Variants in CRAMP1 observed in about 807,000 individuals in gnomAD.
CRAMP1 encodes the protein cramped chromatin regulator 1, also known as protein cramped-like.
CRAMP1 carries 50 observed loss-of-function variants against 115.4 expected under a neutral mutation model. The ratio of observed to expected loss-of-function variants is 0.43; its 90% confidence interval spans 0.35 to 0.55. The LOEUF is 0.55. Ranked by LOEUF, CRAMP1 falls within the 20% of genes least tolerant of loss-of-function variation. The probability of loss-of-function intolerance (pLI) is 0.01; values close to 1 mark genes in which losing one functional copy is unlikely to be tolerated. For synonymous variants in CRAMP1, 866 were observed against 745.4 expected (o/e 1.16, Z -2.64); for missense variants, 1,679 against 1,721.7 (o/e 0.98, Z 0.44).
At chr16:1,662,895 G>A in intron 13 of CRAMP1, 60 bp downstream of exon 13, 2 of 1,312,566 alleles carry the variant, frequency 1.5e-6, no homozygotes, top group South Asian at 2.5e-5. Flanking sequence ...AGGACACAGG[G>A]CTTCTTCCCT....
Position 1,669,901 on chromosome 16 carries a change from A to C in CRAMP1, c.3499+736A>C, listed in dbSNP as rs1376804409. ...TCTGGGAGGTGCTGAGGGACCCAGCACCCTGCAGGCGTTTCCTTTTGTCTC... is the reference window on the plus strand; with the variant it reads ...TCTGGGAGGTGCTGAGGGACCCAGCCCCCTGCAGGCGTTTCCTTTTGTCTC... On this transcript the variant is annotated intron_variant, in intron 19 of 20. Transcript: ENST00000397412. The surrounding 1 kb of genome is among the most constrained non-coding windows in gnomAD (Gnocchi z 4.6). Among the ~76,000 whole-genome samples the C allele has an allele frequency of 2.0e-5, 3 of 152,104 alleles. No homozygotes were observed. The highest frequency in any genetic ancestry group is 4.4e-5 in the Non-Finnish European group (3 of 68,014).
At chr16:1,638,796 C>A (rs982919815) in intron 5 of CRAMP1, among the ~76,000 whole-genome samples, 2 of 151,940 alleles carry the variant, frequency 1.3e-5, no homozygotes, top group Non-Finnish European at 2.9e-5. Flanking sequence ...AGGCCTGCAC[C>A]ACACTCTGTC....
chr16:1,666,582 C>T lies in CRAMP1; in HGVS notation c.3018C>T (p.Asp1006=), dbSNP rs765907579. ...QDSTGTHQDG[D]TLPTVGGSDP... is the part of the protein sequence containing the mutation. ...CTACTGGAACTCACCAGGATGGAGA[C>T]ACCCTCCCCACCGTGGGGGTGAGTA... Residue 1006 remains aspartate (D), a synonymous_variant, in exon 16 of 21, where the codon GAC becomes GAT. Transcript: ENST00000397412. This position sits in a 1 kb window ranked among gnomAD's most constrained non-coding sequence, Gnocchi z 5.0. The T allele has an allele frequency of 4.3e-6, 7 of 1,613,744 alleles. 1 individual carries two copies. In the African/African-American group the frequency reaches 9.3e-5, roughly 22 times the overall value.
intron 1 of CRAMP1, among the ~76,000 whole-genome samples, chr16:1,613,546 C>T (rs2036382739): frequency 6.6e-6 from 1 of 152,162 alleles, no homozygotes; most frequent in South Asian, 2.1e-4. Context: ...TCACACGTGC[C>T]CGTCCCGGAC....
intron 2 of CRAMP1, among the ~76,000 whole-genome samples, chr16:1,617,138 C>T (rs193138861): frequency 1.3e-3 from 204 of 152,322 alleles, no homozygotes; most frequent in African/African-American, 4.7e-3. Context: ...GCAAATATAT[C>T]TTTAAGCAAA....
chr16:1,618,040 A>C (rs1454820799), intron 2 of CRAMP1, among the ~76,000 whole-genome samples: 1 of 152,264 alleles, frequency 6.6e-6, no homozygotes, highest in Non-Finnish European at 1.5e-5. Flanking sequence ...CCTGGGACGC[A>C]CTGGAGATTT....
At chr16:1,658,441 C>T (rs1373568823) in intron 10 of CRAMP1, among the ~76,000 whole-genome samples, 2 of 151,994 alleles carry the variant, frequency 1.3e-5, no homozygotes, top group East Asian at 3.9e-4. Context: ...AGGGTGGGCT[C>T]CTGAGAGGGC....
At chr16:1,668,295 T>C in intron 18 of CRAMP1, 102 bp downstream of exon 18, 6 of 945,794 alleles carry the variant, frequency 6.3e-6, no homozygotes, top group Non-Finnish European at 9.9e-6. Flanking sequence ...TTGTGATTTT[T>C]ACGAATTGAA....
intron 2 of CRAMP1, among the ~76,000 whole-genome samples, chr16:1,615,850 G>A (rs1327009339): frequency 6.6e-6 from 1 of 152,150 alleles, no homozygotes; most frequent in African/African-American, 2.4e-5. Flanking sequence ...AGCTTCCAGT[G>A]AGTTTCACGT....
intron 11 of CRAMP1, among the ~76,000 whole-genome samples, chr16:1,662,026 C>T (rs576546141): frequency 6.6e-6 from 1 of 152,348 alleles, no homozygotes; most frequent in Admixed American, 6.5e-5. Flanking sequence ...TTTATTGGCA[C>T]ACAGCCACAC....
rs964733283 is a variant in CRAMP1, at chr16:1,674,427, G to A, written c.*382G>A. On this transcript the variant is annotated 3_prime_UTR_variant, in exon 21 of 21. Transcript: ENST00000397412. ...GCCTTGGTGTAGTTGCTGTGCACTA[G>A]GAGCTGTGATCTCCCTCTCTGCAGG... 2.2e-5 allele frequency: 5 copies of A among 229,682 alleles called. No homozygotes were observed. The highest frequency in any genetic ancestry group is 6.1e-5 in the South Asian group (1 of 16,334). The allele number at this position is 229,682 out of a possible 1,614,324, so 14.2% of individuals were successfully genotyped here. A position where few individuals can be genotyped will look rare whatever the true frequency, so the allele number is the denominator to read the frequency against.
In CRAMP1 at chr16:1,614,855, G is replaced by A; in HGVS notation, c.216G>A (p.Pro72=). The A allele has an allele frequency of 7.7e-7, 1 of 1,302,870 alleles. No homozygotes were observed. The allele number at this position is 1,302,870 out of a possible 1,614,324, so 80.7% of individuals were successfully genotyped here. ...PPGAPQAPSP[P]QGSPQDQHHF... is the part of the protein sequence containing the mutation. ...GCGCGCCGCAGGCGCCGTCCCCGCC[G>A]CAGGGCAGCCCCCAGGACCAGCACC... Residue 72 remains proline (P), a synonymous_variant, in exon 2 of 21, where the codon CCG becomes CCA. Coordinates refer to ENST00000397412, the MANE Select transcript of CRAMP1 (RefSeq NM_020825.4). The surrounding 1 kb of genome is among the most constrained non-coding windows in gnomAD (Gnocchi z 4.4).
rs563506202 is a variant in CRAMP1, at chr16:1,669,484, G to A, written c.3499+319G>A. 7.2e-5 allele frequency among the ~76,000 whole-genome samples: 11 copies of A among 152,252 alleles called. No individual in the cohort carries two copies. Among genetic ancestry groups the A allele is most frequent in the African/African-American group, 2.6e-4 (11 of 41,538 alleles). ...CCTTCCCAGTCTGTTCAGCTAGCCC[G>A]GCCCCTCCCGACTGGGTTCTCTTGA... On this transcript the variant is annotated intron_variant, in intron 19 of 20. Coordinates refer to ENST00000397412, the MANE Select transcript of CRAMP1 (RefSeq NM_020825.4). This position sits in a 1 kb window ranked among gnomAD's most constrained non-coding sequence, Gnocchi z 4.6.
intron 2 of CRAMP1, among the ~76,000 whole-genome samples, chr16:1,619,012 G>A (rs1267750018): frequency 6.6e-6 from 1 of 152,190 alleles, no homozygotes; most frequent in Non-Finnish European, 1.5e-5. Flanking sequence ...TGTCTAATGA[G>A]GTAGACTTTT....
intron 7 of CRAMP1, 82 bp downstream of exon 7, chr16:1,652,663 T>A: frequency 7.8e-7 from 1 of 1,278,938 alleles, no homozygotes; most frequent in South Asian, 1.3e-5. Context: ...GCTACCGGGT[T>A]GCTGCCACAG....
rs373712003 is a variant in CRAMP1, at chr16:1,662,718, C to G, written c.2596-43C>G. 4.4e-4 allele frequency: 713 copies of G among 1,613,742 alleles called. 3 individuals are homozygous for G. The highest frequency in any genetic ancestry group is 2.1e-3 in the Middle Eastern group (13 of 6,062). On this transcript the variant is annotated intron_variant, in intron 12 of 20. Transcript: ENST00000397412. ...GCCCGCGTGCGAGCGTCCCCGTGGTCTGGAGAGTGCACCTTCAGGTGCCGG... is the reference window on the plus strand; with the variant it reads ...GCCCGCGTGCGAGCGTCCCCGTGGTGTGGAGAGTGCACCTTCAGGTGCCGG...
At chr16:1,626,656 C>A (rs988629971) in intron 3 of CRAMP1, among the ~76,000 whole-genome samples, 6 of 152,118 alleles carry the variant, frequency 3.9e-5, no homozygotes, top group Non-Finnish European at 1.5e-5. Flanking sequence ...ACTCCCTGAC[C>A]CCACCGCCCA....
At chr16:1,649,995 T>C (rs570581945) in intron 6 of CRAMP1, among the ~76,000 whole-genome samples, 1 of 152,176 alleles carries the variant, frequency 6.6e-6, no homozygotes. Context: ...GGTTTCGTCA[T>C]ATTGGTCAGG....
At chr16:1,643,608 C>T (rs1320049836) in intron 6 of CRAMP1, among the ~76,000 whole-genome samples, 2 of 151,934 alleles carry the variant, frequency 1.3e-5, no homozygotes, top group African/African-American at 4.8e-5. Flanking sequence ...CAGGCATGGG[C>T]CTGGGCCATG....
Sources: allele counts gnomAD v4.1 joint callset (sites outside exome capture counted in the v4.1 genomes callset), GRCh38; gene constraint gnomAD v4.1.1; non-coding constraint Gnocchi (gnomAD v3.1); transcripts MANE v1.5; gene names NCBI Gene and HGNC (gene_info 2026-07-23, HGNC 2026-07-21).